IDO1: variants seen among roughly 807,000 people sequenced by gnomAD.
IDO1 encodes the protein indolamine 2,3 dioxygenase.
Under a neutral mutation model 38.8 loss-of-function variants are expected in IDO1, and 35 were observed. That is an observed-to-expected ratio of 0.90 (90% CI 0.69 to 1.20). The LOEUF is 1.20. Ranked by LOEUF, IDO1 falls within the 50% of genes most tolerant of loss-of-function variation. The pLI is 0.00. For synonymous variants in IDO1, 171 were observed against 170.0 expected (o/e 1.01, Z -0.05); for missense variants, 509 against 485.1 (o/e 1.05, Z -0.46).
chr8:39,918,760 AAAAAAAAAAC>A, intron 3 of IDO1, 45 bp from the exon 4 acceptor site: 1 of 700,148 alleles, frequency 1.4e-6, no homozygotes, highest in Non-Finnish European at 2.4e-6. Flanking sequence ...AAAAAAAAAA[AAAAAAAAAAC>A]AACAACAACA....
intron 7 of IDO1, among the ~76,000 whole-genome samples, 187 bp from the exon 8 acceptor site, chr8:39,924,534 T>G (rs1376729288): frequency 6.6e-6 from 1 of 152,086 alleles, no homozygotes; most frequent in Non-Finnish European, 1.5e-5. Flanking sequence ...ATAGATACAG[T>G]TTAATGGGCT....
chr8:39,916,736 C>T (rs1258283900), intron 1 of IDO1, among the ~76,000 whole-genome samples: 3 of 152,132 alleles, frequency 2.0e-5, no homozygotes, highest in African/African-American at 7.2e-5. Flanking sequence ...TTTGAATGAT[C>T]CTCAGTATGA....
intron 7 of IDO1, 36 bp from the exon 8 acceptor site, chr8:39,924,685 A>C (rs1807331272): frequency 2.0e-6 from 3 of 1,479,246 alleles, no homozygotes; most frequent in Non-Finnish European, 2.8e-6. Context: ...TATACCTCTG[A>C]TGCTGCTTAA....
intron 4 of IDO1, 131 bp downstream of exon 4, chr8:39,919,064 C>T (rs770696303): frequency 3.8e-5 from 29 of 760,684 alleles, no homozygotes; most frequent in Middle Eastern, 2.3e-4. Flanking sequence ...CTCAGTTCCT[C>T]GGCTGGGTAC....
rs376097320 is a variant in IDO1 at position 39,925,270 on chromosome 8, T to C, written c.755T>C (p.Phe252Ser). Reference protein sequence around the residue: ...QLSDGLVYEGFWEDPKEFAGG... With the variant: ...QLSDGLVYEGSWEDPKEFAGG... Reference sequence around the variant, plus strand: ...TCAGACGGTCTGGTGTATGAAGGGTTCTGGGAAGACCCAAAGGAGTTTGCA... The same window carrying C: ...TCAGACGGTCTGGTGTATGAAGGGTCCTGGGAAGACCCAAAGGAGTTTGCA... The change falls in exon 9 of 10, where the codon TTC becomes TCC. Residue 252 changes from phenylalanine to serine, a missense_variant. Phe to Ser is a radical substitution (Grantham distance 155). Transcript: ENST00000518237. 41 of 1,613,458 alleles carry C rather than the reference T, an allele frequency of 2.5e-5. No individual in the cohort carries two copies. Among genetic ancestry groups the C allele is most frequent in the Non-Finnish European group, 3.1e-5 (36 of 1,179,832 alleles).
In IDO1 at chr8:39,918,374, A is replaced by G. The variant is rs561475408; in HGVS notation, c.303+167A>G. ...GCCCTGGCTTGACATGTCCACTGTT[A>G]TCATTATTATATTTTTAGTCTTTTA... On this transcript the variant is annotated intron_variant, in intron 3 of 9. Coordinates refer to ENST00000518237, the MANE Select transcript of IDO1 (RefSeq NM_002164.6). The G allele has an allele frequency of 4.1e-4, 253 of 614,228 alleles. 1 individual carries two copies. The highest frequency in any genetic ancestry group is 6.1e-4 in the Admixed American group (20 of 32,942). The allele number at this position is 614,228 out of a possible 1,614,324, so 38.0% of individuals were successfully genotyped here.
Position 39,917,889 on chromosome 8 carries a change from T to C in IDO1, c.102T>C (p.Asp34=), listed in dbSNP as rs754713493. ...ALPNPQENLP[D]FYNDWMFIAK... Reference sequence around the variant, plus strand: ...TTTTTTTCAAGGAAAATCTACCTGATTTTTATAATGACTGGATGTTCATTG... The same window carrying C: ...TTTTTTTCAAGGAAAATCTACCTGACTTTTATAATGACTGGATGTTCATTG... The change falls in exon 2 of 10, where the codon GAT becomes GAC. Residue 34 remains aspartate (D), a synonymous_variant. Coordinates refer to ENST00000518237, the MANE Select transcript of IDO1 (RefSeq NM_002164.6). The C allele has an allele frequency of 1.9e-6, 3 of 1,607,436 alleles. No individual in the cohort carries two copies. The highest frequency in any genetic ancestry group is 2.7e-5 in the African/African-American group (2 of 74,796).
At position 39,923,605 on chromosome 8, in the gene IDO1, G is replaced by T. The variant is rs148093613; in HGVS notation, c.655+19G>T. On this transcript the variant is annotated intron_variant, in intron 7 of 9. Coordinates refer to ENST00000518237, the MANE Select transcript of IDO1 (RefSeq NM_002164.6). ...ATCCACGGCAAGTGTTGTGTGCAGTGCAATAGTCTAGGCTGACAAGTCAAA... is the reference window on the plus strand; with the variant it reads ...ATCCACGGCAAGTGTTGTGTGCAGTTCAATAGTCTAGGCTGACAAGTCAAA... The T allele has an allele frequency of 6.7e-3, 9,404 of 1,413,426 alleles. 47 individuals are homozygous for T. The highest frequency in any genetic ancestry group is 7.6e-3 in the Middle Eastern group (43 of 5,638). The allele number at this position is 1,413,426 out of a possible 1,614,324, so 87.6% of individuals were successfully genotyped here.
Position 39,918,163 on chromosome 8 carries a change from A to G in IDO1, c.259A>G (p.Thr87Ala). 1 of 1,613,974 alleles carries G rather than the reference A, an allele frequency of 6.2e-7. No individual in the cohort carries two copies. Among genetic ancestry groups the G allele is most frequent in the Non-Finnish European group, 8.5e-7 (1 of 1,179,846 alleles). Residue 87 changes from threonine (T) to alanine (A), a missense_variant, in exon 3 of 10, where the codon ACC becomes GCC. Coordinates refer to ENST00000518237, the MANE Select transcript of IDO1 (RefSeq NM_002164.6). Reference protein sequence around the residue: ...RLARLVLGCITMAYVWGKGHG... With the variant: ...RLARLVLGCIAMAYVWGKGHG... ...TGCACGTCTAGTTCTGGGATGCATC[A>G]CCATGGCATATGTGTGGGGCAAAGG...
chr8:39,914,560 A>C (rs544029096), intron 1 of IDO1, among the ~76,000 whole-genome samples: 2 of 152,284 alleles, frequency 1.3e-5, no homozygotes, highest in South Asian at 4.1e-4. Flanking sequence ...TCTTGTTTGC[A>C]AGTCTTACCT....
intron 4 of IDO1, 129 bp from the exon 5 acceptor site, chr8:39,919,971 C>A: frequency 2.6e-6 from 2 of 783,436 alleles, no homozygotes; most frequent in East Asian, 2.5e-5. Context: ...TAAGCTTTTT[C>A]TTTTTACCTA....
In IDO1 at chr8:39,928,109, C is replaced by G; in HGVS notation, c.1136C>G (p.Thr379Ser). 2.5e-6 allele frequency: 4 copies of G among 1,613,594 alleles called. No homozygotes were observed. Among genetic ancestry groups the G allele is most frequent in the Non-Finnish European group, 3.4e-6 (4 of 1,179,736 alleles). ...CCTTCAAAACTGGAAGCCAAAGGAA[C>G]TGGAGGCACTGATTTAATGAATTTC... ...EDPSKLEAKG[T>S]GGTDLMNFLK... The change falls in exon 10 of 10, where the codon ACT (threonine) becomes AGT (serine). Residue 379 changes from threonine (T) to serine (S), a missense_variant. Thr to Ser is a moderately conservative substitution (Grantham distance 58). Transcript: ENST00000518237.
In IDO1 at chr8:39,918,833, G is replaced by A. The variant is rs1214557010; in HGVS notation, c.322G>A (p.Ala108Thr). Residue 108 changes from alanine (A) to threonine (T), a missense_variant, in exon 4 of 10, where the codon GCT becomes ACT. Ala to Thr is a moderately conservative substitution (Grantham distance 58, BLOSUM62 0). Coordinates refer to ENST00000518237, the MANE Select transcript of IDO1 (RefSeq NM_002164.6). ...DVRKVLPRNI[A>T]VPYCQLSKKL... ...TAATCAGGTCTTGCCAAGAAATATT[G>A]CTGTTCCTTACTGCCAACTCTCCAA... 2 of 1,604,980 alleles carry A rather than the reference G, an allele frequency of 1.2e-6. No homozygotes were observed. Among genetic ancestry groups the A allele is most frequent in the African/African-American group, 2.7e-5 (2 of 74,008 alleles).
chr8:39,917,471 G>C (rs1268782502), intron 1 of IDO1, among the ~76,000 whole-genome samples: 2 of 152,146 alleles, frequency 1.3e-5, no homozygotes, highest in Non-Finnish European at 2.9e-5. Context: ...ACTCCAGCCT[G>C]GGCAACAGAG....
intron 7 of IDO1, 50 bp downstream of exon 7, chr8:39,923,636 CAGGTGTAGAAT>C (rs1563416797): frequency 3.6e-6 from 4 of 1,099,092 alleles, no homozygotes; most frequent in Non-Finnish European, 5.5e-6. Context: ...TCAAATGTTC[CAGGTGTAGAAT>C]AGTTGAAAAA....
At chr8:39,925,449 A>G (rs1191038201) in intron 9 of IDO1, 78 bp downstream of exon 9, 6 of 1,352,694 alleles carry the variant, frequency 4.4e-6, no homozygotes, top group Non-Finnish European at 6.0e-6. Context: ...GCACCTTCCC[A>G]TCAGCATCTT....
intron 7 of IDO1, 31 bp downstream of exon 7, chr8:39,923,617 G>A (rs759294558): frequency 7.8e-7 from 1 of 1,284,704 alleles, no homozygotes; most frequent in Non-Finnish European, 1.1e-6. Flanking sequence ...AATAGTCTAG[G>A]CTGACAAGTC....
chr8:39,927,618 C>T (rs908212311), intron 9 of IDO1, among the ~76,000 whole-genome samples: 6 of 151,098 alleles, frequency 4.0e-5, no homozygotes, highest in East Asian at 1.9e-4. Context: ...GAGTTTAGCT[C>T]ATTCAGTTTT....
At chr8:39,924,862 T>G in intron 8 of IDO1, 90 bp downstream of exon 8, 2 of 942,182 alleles carry the variant, frequency 2.1e-6, no homozygotes, top group African/African-American at 1.6e-5. Flanking sequence ...TCCATTGGGT[T>G]TGGCTAACAA....
Sources: gnomAD v4.1 joint callset for allele counts (sites outside exome capture counted in the v4.1 genomes callset) on GRCh38, gnomAD v4.1.1 for gene constraint, MANE v1.5 for transcripts, NCBI Gene and HGNC (gene_info 2026-07-23, HGNC 2026-07-21) for gene names.